The following ELMO1 variants were observed in gnomAD, a reference collection of about 807,000 sequenced individuals.
ELMO1 encodes the protein engulfment and cell motility protein 1.
A neutral mutation model predicts 98.9 loss-of-function variants in ELMO1; 26 were observed. That is an observed-to-expected ratio of 0.26 (90% confidence interval 0.19 to 0.36). The LOEUF (loss-of-function observed/expected upper bound fraction) is 0.36, where lower values mean the gene tolerates loss of function less well. Among genes scored for constraint, ELMO1 ranks in the 10% least tolerant of loss-of-function variants. The pLI is 1.00. For synonymous variants in ELMO1, 346 were observed against 346.0 expected (o/e 1.00, Z 0.00); for missense variants, 627 against 935.2 (o/e 0.67, Z 4.30).
At chr7:37,436,563 A>G (rs2131578431) in intron 1 of ELMO1, among the ~76,000 whole-genome samples, 1 of 152,334 alleles carries the variant, frequency 6.6e-6, no homozygotes. Flanking sequence ...TTTAGTGTCT[A>G]GATGAAGGTT....
At chr7:37,080,802 C>A (rs989201245) in intron 15 of ELMO1, among the ~76,000 whole-genome samples, 1 of 151,768 alleles carries the variant, frequency 6.6e-6, no homozygotes, top group Non-Finnish European at 1.5e-5. Flanking sequence ...CTGCTTCAGC[C>A]CCACTGGCCT....
chr7:36,985,783 A>T, intron 16 of ELMO1: 1 of 394,280 alleles, frequency 2.5e-6, no homozygotes, highest in Non-Finnish European at 3.6e-6. Flanking sequence ...AGAGTCTCCT[A>T]CATCATGGGA....
chr7:37,369,575 A>G (rs1802030981), intron 1 of ELMO1, among the ~76,000 whole-genome samples: 1 of 152,094 alleles, frequency 6.6e-6, no homozygotes, highest in Non-Finnish European at 1.5e-5. Context: ...AATGAAAAAG[A>G]AAAACAGACA....
intron 16 of ELMO1, among the ~76,000 whole-genome samples, chr7:36,899,241 G>A (rs1422922111): frequency 1.3e-5 from 2 of 152,212 alleles, no homozygotes; most frequent in Admixed American, 1.3e-4. Flanking sequence ...CCAAGGATAT[G>A]TCACTAGAGG....
intron 1 of ELMO1, among the ~76,000 whole-genome samples, chr7:37,414,607 T>C (rs1804136337): frequency 6.6e-6 from 1 of 152,216 alleles, no homozygotes; most frequent in South Asian, 2.1e-4. Flanking sequence ...CCAATCCTGT[T>C]TGGCAGAGAC....
intron 15 of ELMO1, among the ~76,000 whole-genome samples, chr7:37,045,600 G>A (rs180927874): frequency 5.9e-5 from 9 of 152,238 alleles, no homozygotes; most frequent in African/African-American, 1.9e-4. Flanking sequence ...TAGTAGAGAG[G>A]AAGTAAAAAT....
Position 37,337,865 on chromosome 7 carries a change from A to T in ELMO1, c.78+4748T>A, listed in dbSNP as rs960434225. 2.0e-5 allele frequency among the ~76,000 whole-genome samples: 3 copies of T among 152,144 alleles called. No individual in the cohort carries two copies. In the South Asian group the frequency reaches 6.2e-4, roughly 31 times the overall value. On this transcript the variant is annotated intron_variant, in intron 2 of 21. Transcript: ENST00000310758. The stretch of plus-strand genomic sequence containing the variant: ...TGCTCAGAAATGGTGAGTGGCCAAG[A>T]TGGAAAAAAAAAATCACAGAGTACT...
chr7:37,115,554 T>C (rs888073080), intron 14 of ELMO1, among the ~76,000 whole-genome samples: 6 of 151,072 alleles, frequency 4.0e-5, no homozygotes, highest in Admixed American at 1.3e-4. Flanking sequence ...CACTCATTCA[T>C]GATAAAAAAA....
At position 37,331,321 on chromosome 7, in the gene ELMO1, C is replaced by T. The variant is rs188972291; in HGVS notation, c.78+11292G>A. On this transcript the variant is annotated intron_variant, in intron 2 of 21. Coordinates refer to ENST00000310758, the MANE Select transcript of ELMO1 (RefSeq NM_014800.11). The stretch of plus-strand genomic sequence containing the variant: ...AGTAGCTGGGACTACAGGCGCCAGC[C>T]GCCACGCCTGGCTTTTTTTTTTTTT... Among the ~76,000 whole-genome samples the T allele has an allele frequency of 3.0e-3, 426 of 142,766 alleles. 3 individuals carry two copies. Among genetic ancestry groups the T allele is most frequent in the African/African-American group, 0.011 (404 of 38,094 alleles). The allele number at this position is 142,766 out of a possible 152,430, so 93.7% of individuals were successfully genotyped here.
At position 36,982,831 on chromosome 7, in the gene ELMO1, G is replaced by A. The variant is rs116029809; in HGVS notation, c.1437+30468C>T. Among the ~76,000 whole-genome samples the A allele has an allele frequency of 4.3e-3, 650 of 152,294 alleles. 11 individuals are homozygous for A. Among genetic ancestry groups the A allele is most frequent in the African/African-American group, 0.015 (620 of 41,554 alleles). On this transcript the variant is annotated intron_variant, in intron 16 of 21. Transcript: ENST00000310758. ...GAATCCATTTATAAAACAGATAGAA[G>A]GGGAGATGCAGTGGCTGAACCAGGA...
chr7:37,127,363 C>A (rs1786598967), intron 14 of ELMO1, among the ~76,000 whole-genome samples: 2 of 152,130 alleles, frequency 1.3e-5, no homozygotes, highest in Admixed American at 1.3e-4. Flanking sequence ...TTGACTCTGT[C>A]CCCTTTCCCT....
intron 15 of ELMO1, among the ~76,000 whole-genome samples, chr7:37,031,305 G>A (rs1794869213): frequency 2.6e-5 from 4 of 152,094 alleles, no homozygotes; most frequent in Admixed American, 2.6e-4. Flanking sequence ...TGAATGAGAT[G>A]GTTTCTGGGT....
intron 15 of ELMO1, among the ~76,000 whole-genome samples, chr7:37,017,301 T>TCC (rs70980908): frequency 0.031 from 4,796 of 152,298 alleles, 102 homozygotes; most frequent in Middle Eastern, 0.075. Flanking sequence ...TATCAAGGTT[T>TCC]CCCCAGGTAC....
Position 37,342,268 on chromosome 7 carries a change from G to T in ELMO1, c.78+345C>A, listed in dbSNP as rs973534456. ...AAAAATTAAGTTTTGTCTTGCCTGTGTTCCAACAATCTGCACATATCCATG... is the reference window on the plus strand; with the variant it reads ...AAAAATTAAGTTTTGTCTTGCCTGTTTTCCAACAATCTGCACATATCCATG... On this transcript the variant is annotated intron_variant, in intron 2 of 21. Transcript: ENST00000310758. The surrounding 1 kb of genome is among the most constrained non-coding windows in gnomAD (Gnocchi z 4.3). Among the ~76,000 whole-genome samples the T allele has an allele frequency of 6.6e-6, 1 of 152,198 alleles. No individual in the cohort carries two copies. The highest frequency in any genetic ancestry group is 2.4e-5 in the African/African-American group (1 of 41,450).
chr7:37,011,229 C>G (rs1793530205), intron 16 of ELMO1, among the ~76,000 whole-genome samples: 1 of 152,198 alleles, frequency 6.6e-6, no homozygotes, highest in Admixed American at 6.5e-5. Context: ...CTCTGGGGGG[C>G]TTGCTGTCAC....
intron 13 of ELMO1, among the ~76,000 whole-genome samples, chr7:37,176,401 G>A (rs1166148939): frequency 6.6e-6 from 1 of 152,164 alleles, no homozygotes; most frequent in African/African-American, 2.4e-5. Flanking sequence ...ATAGCCTAAC[G>A]ACCATGAAAG....
intron 14 of ELMO1, among the ~76,000 whole-genome samples, chr7:37,120,907 G>C (rs1487505098): frequency 6.6e-6 from 1 of 152,112 alleles, no homozygotes; most frequent in African/African-American, 2.4e-5. Flanking sequence ...CACACAGCCG[G>C]GTACCCCTCT....
chr7:36,990,050 T>C (rs138298214), intron 16 of ELMO1, among the ~76,000 whole-genome samples: 2 of 152,242 alleles, frequency 1.3e-5, no homozygotes, highest in East Asian at 3.9e-4. Context: ...TTCTAGAAAA[T>C]AAGTGACTTG....
At position 36,862,001 on chromosome 7, in the gene ELMO1, C is replaced by T. The variant is rs183399692; in HGVS notation, c.1906-265G>A. The T allele has an allele frequency of 8.4e-4, 383 of 456,380 alleles. 2 individuals are homozygous for T. The highest frequency in any genetic ancestry group is 6.7e-3 in the African/African-American group (348 of 51,654). 28.3% of individuals were successfully genotyped at this position (456,380 alleles called of 1,614,324 possible). On this transcript the variant is annotated intron_variant, in intron 20 of 21. Transcript: ENST00000310758. ...TTTTCATCTCCTTTATGAGGTGGGG[C>T]TTAGAGAGGCTCAATGAGTGTCCAA...
Sources: gnomAD v4.1 joint callset for allele counts (sites outside exome capture counted in the v4.1 genomes callset) on GRCh38, gnomAD v4.1.1 for gene constraint, Gnocchi (gnomAD v3.1) non-coding constraint, MANE v1.5 for transcripts, NCBI Gene and HGNC (gene_info 2026-07-23, HGNC 2026-07-21) for gene names.